The following EPDR1 variants were observed in gnomAD, a reference collection of about 807,000 sequenced individuals.
The protein encoded by EPDR1 is ependymin related 1, also known as mammalian ependymin-related protein 1.
Under a neutral mutation model 23.7 loss-of-function variants are expected in EPDR1, and 27 were observed. The observed-to-expected ratio is 1.14, with a 90% CI of 0.84 to 1.57. The LOEUF is 1.57. Among genes scored for constraint, EPDR1 ranks in the 40% most tolerant of loss-of-function variants. The pLI is 0.00. For synonymous variants in EPDR1, 137 were observed against 118.2 expected, an observed-to-expected ratio of 1.16 and a Z score of -1.03; for missense variants, 349 against 290.4, an observed-to-expected ratio of 1.20 and a Z score of -1.47.
At chr7:37,921,301 G>C in intron 1 of EPDR1, 93 bp downstream of exon 1, 2 of 1,459,496 alleles carry the variant, frequency 1.4e-6, no homozygotes, top group Non-Finnish European at 1.8e-6. Context: ...AACTCTTTCC[G>C]GCCCCTTGCA....
intron 1 of EPDR1, among the ~76,000 whole-genome samples, chr7:37,931,729 C>T (rs1275629151): frequency 6.6e-6 from 1 of 152,034 alleles, no homozygotes; most frequent in Non-Finnish European, 1.5e-5. Context: ...GACAGAGTCT[C>T]ACATTGTCAC....
intron 1 of EPDR1, among the ~76,000 whole-genome samples, chr7:37,937,062 G>A (rs572046043): frequency 2.0e-4 from 31 of 152,266 alleles, no homozygotes; most frequent in African/African-American, 7.2e-4. Flanking sequence ...GTGTAAATAG[G>A]CAATTCAGTG....
rs1308213455 is a variant in EPDR1, at chr7:37,920,740, G to C, written c.-200G>C. The stretch of plus-strand genomic sequence containing the variant: ...CGCGCGATTCACTGGAGCCTTCCCC[G>C]GGCCCTGGTCCCGGCTACCGGGACT... On this transcript the variant is annotated 5_prime_UTR_variant, in exon 1 of 3. Transcript: ENST00000199448. 13 of 1,609,004 alleles carry C rather than the reference G, an allele frequency of 8.1e-6. No individual in the cohort carries two copies. Among genetic ancestry groups the C allele is most frequent in the Non-Finnish European group, 1.0e-5 (12 of 1,177,460 alleles).
chr7:37,948,662 T>C (rs1238539360), intron 1 of EPDR1, among the ~76,000 whole-genome samples, 178 bp from the exon 2 acceptor site: 1 of 152,228 alleles, frequency 6.6e-6, no homozygotes, highest in East Asian at 1.9e-4. Flanking sequence ...CTGTGAATTC[T>C]AATTATTTCA....
At chr7:37,939,000 A>T (rs1309314178) in intron 1 of EPDR1, among the ~76,000 whole-genome samples, 3 of 143,794 alleles carry the variant, frequency 2.1e-5, no homozygotes, top group Non-Finnish European at 3.0e-5. Context: ...TTTTTTTGAG[A>T]TGGAGTCTCA....
intron 1 of EPDR1, among the ~76,000 whole-genome samples, chr7:37,946,942 T>C (rs1786288737): frequency 6.6e-6 from 1 of 152,178 alleles, no homozygotes; most frequent in East Asian, 1.9e-4. Context: ...AAAATGTATA[T>C]AAAGTTAAAA....
intron 1 of EPDR1, among the ~76,000 whole-genome samples, chr7:37,941,635 C>A (rs1786173823): frequency 1.3e-5 from 2 of 152,202 alleles, no homozygotes; most frequent in African/African-American, 4.8e-5. Flanking sequence ...GGAATATCTG[C>A]AAACCTGAAC....
At chr7:37,922,592 A>T (rs577260039) in intron 1 of EPDR1, among the ~76,000 whole-genome samples, 1 of 151,720 alleles carries the variant, frequency 6.6e-6, no homozygotes, top group Non-Finnish European at 1.5e-5. Flanking sequence ...TCTCCATTTT[A>T]CAGACAATAA....
intron 1 of EPDR1, among the ~76,000 whole-genome samples, chr7:37,921,693 T>C (rs1044978731): frequency 2.0e-5 from 3 of 152,246 alleles, no homozygotes; most frequent in Non-Finnish European, 4.4e-5. Context: ...ACAAACGGTA[T>C]GGGAAAGTGA....
Position 37,931,793 on chromosome 7 carries a change from G to A in EPDR1, c.269+10585G>A, listed in dbSNP as rs1028858157. ...GGCTCACTGCAACCTCCACCTCCTGGGTTCAAGTGATTCTCCTGCCTTAGC... is the reference window on the plus strand; with the variant it reads ...GGCTCACTGCAACCTCCACCTCCTGAGTTCAAGTGATTCTCCTGCCTTAGC... On this transcript the variant is annotated intron_variant, in intron 1 of 2. Transcript: ENST00000199448. Among the ~76,000 whole-genome samples the A allele has an allele frequency of 1.5e-4, 23 of 152,166 alleles. 1 individual carries two copies. The highest frequency in any genetic ancestry group is 8.3e-4 in the South Asian group (4 of 4,808).
intron 1 of EPDR1, among the ~76,000 whole-genome samples, chr7:37,930,241 CCCCAG>C (rs1785907547): frequency 6.6e-6 from 1 of 152,224 alleles, no homozygotes; most frequent in South Asian, 2.1e-4. Context: ...AGAGTCACAG[CCCCAG>C]CTCTCTCAGG....
Position 37,927,946 on chromosome 7 carries a change from G to A in EPDR1, c.269+6738G>A, listed in dbSNP as rs180807396. On this transcript the variant is annotated intron_variant, in intron 1 of 2. Transcript: ENST00000199448. ...AATACTTGAGTTTCGCAATATTTGA[G>A]TTTTTCTTCAAGAAACAGATTTTCT... is the stretch of plus-strand genomic sequence containing the variant. 2.6e-4 allele frequency among the ~76,000 whole-genome samples: 39 copies of A among 152,246 alleles called. 1 individual carries two copies. The highest frequency in any genetic ancestry group is 2.2e-3 in the Admixed American group (33 of 15,294).
At chr7:37,923,744 A>G (rs1277940811) in intron 1 of EPDR1, among the ~76,000 whole-genome samples, 1 of 152,106 alleles carries the variant, frequency 6.6e-6, no homozygotes. Flanking sequence ...GACTCTGAAT[A>G]TGGGTCTTTG....
intron 1 of EPDR1, among the ~76,000 whole-genome samples, chr7:37,930,527 GTTC>G (rs1372084337): frequency 2.6e-5 from 4 of 152,194 alleles, no homozygotes; most frequent in South Asian, 4.1e-4. Context: ...AGGTGTGGGA[GTTC>G]TTCTTCTCAC....
At chr7:37,944,694 A>G (rs1176862164) in intron 1 of EPDR1, among the ~76,000 whole-genome samples, 1 of 152,212 alleles carries the variant, frequency 6.6e-6, no homozygotes, top group East Asian at 1.9e-4. Flanking sequence ...AACCGTGCCC[A>G]TTATTCAATT....
chr7:37,947,908 G>A (rs148733886), intron 1 of EPDR1, among the ~76,000 whole-genome samples: 108 of 152,350 alleles, frequency 7.1e-4, no homozygotes, highest in Admixed American at 2.5e-3. Context: ...AGGAGGCTGA[G>A]AGCATGGAGA....
intron 1 of EPDR1, among the ~76,000 whole-genome samples, chr7:37,923,418 T>C (rs991373278): frequency 6.6e-6 from 1 of 152,206 alleles, no homozygotes; most frequent in Non-Finnish European, 1.5e-5. Context: ...GCCCCCATTT[T>C]TGGCTTGTGA....
chr7:37,943,155 G>A (rs749322335), intron 1 of EPDR1, among the ~76,000 whole-genome samples: 1 of 152,202 alleles, frequency 6.6e-6, no homozygotes, highest in Non-Finnish European at 1.5e-5. Context: ...GCAAGGAGGC[G>A]AAGTTTGTCT....
At position 37,940,999 on chromosome 7, in the gene EPDR1, G is replaced by A. The variant is rs114483758; in HGVS notation, c.270-7841G>A. Among the ~76,000 whole-genome samples, 792 of 152,220 alleles carry A rather than the reference G, an allele frequency of 5.2e-3. 6 individuals are homozygous for A. The highest frequency in any genetic ancestry group is 0.018 in the African/African-American group (756 of 41,522). On this transcript the variant is annotated intron_variant, in intron 1 of 2. Transcript: ENST00000199448. ...AGGTTAGCCTGTGCCACCTTGTGTC[G>A]TAGAACATCGGGAAGCACTCAGAGA... is the stretch of plus-strand genomic sequence containing the variant.
Sources: allele counts gnomAD v4.1 joint callset (sites outside exome capture counted in the v4.1 genomes callset), GRCh38; gene constraint gnomAD v4.1.1; transcripts MANE v1.5; gene names NCBI Gene and HGNC (gene_info 2026-07-23, HGNC 2026-07-21).